The following SYNE2 variants were observed in gnomAD, a reference collection of about 807,000 sequenced individuals.
SYNE2 encodes the protein nesprin-2.
SYNE2 carries 431 observed loss-of-function variants against 856.3 expected under a neutral mutation model. The ratio of observed to expected loss-of-function variants is 0.50; its 90% confidence interval spans 0.47 to 0.55. The LOEUF (loss-of-function observed/expected upper bound fraction) is 0.55, where lower values mean the gene tolerates loss of function less well. Ranked by LOEUF, SYNE2 falls within the 20% of genes least tolerant of loss-of-function variation. The pLI is 0.00. For synonymous variants in SYNE2, 2,923 were observed against 2,872.3 expected (o/e 1.02, Z -0.56); for missense variants, 8,129 against 8,023.2 (o/e 1.01, Z -0.50).
At chr14:64,111,175 G>T (rs556321191) in intron 65 of SYNE2, among the ~76,000 whole-genome samples, 3 of 151,298 alleles carry the variant, frequency 2.0e-5, no homozygotes, top group South Asian at 4.2e-4. Flanking sequence ...AGACCCACTT[G>T]GGCAACATGG....
At chr14:63,956,004 G>C (rs2096237531) in intron 8 of SYNE2, among the ~76,000 whole-genome samples, 1 of 152,190 alleles carries the variant, frequency 6.6e-6, no homozygotes, top group African/African-American at 2.4e-5. Flanking sequence ...AATACTAGAA[G>C]AATATTTTCT....
chr14:64,042,969 C>T (rs1206230710), intron 45 of SYNE2, among the ~76,000 whole-genome samples: 1 of 152,130 alleles, frequency 6.6e-6, no homozygotes, highest in Non-Finnish European at 1.5e-5. Context: ...TTTGGAACTT[C>T]CTAGAGACTT....
chr14:63,986,380 G>A, intron 18 of SYNE2, 76 bp from the exon 19 acceptor site: 3 of 1,521,046 alleles, frequency 2.0e-6, no homozygotes, highest in South Asian at 1.2e-5. Context: ...GATTACAGGT[G>A]TAACTTTTTG....
In SYNE2 at chr14:64,024,371, G is replaced by C. The variant is rs199898588; in HGVS notation, c.5752G>C (p.Val1918Leu). The C allele has an allele frequency of 3.2e-5, 51 of 1,614,068 alleles. No individual in the cohort carries two copies. Among genetic ancestry groups the C allele is most frequent in the Non-Finnish European group, 4.2e-5 (50 of 1,180,016 alleles). Residue 1918 changes from valine (V) to leucine (L), a missense_variant, in exon 39 of 116, where the codon GTG becomes CTG. Around this residue, in one of 3 missense-constraint regions of SYNE2, gnomAD observed 2,422 missense variants for 2,357.4 expected, o/e 1.03. Transcript: ENST00000555002. ...AHVKELISWL[V>L]GQEFELEKME... ...TGTGAAGGAGCTTATCAGTTGGCTC[G>C]TGGGTCAGGAATTCGAATTAGAAAA...
At position 64,084,679 on chromosome 14, in the gene SYNE2, C is replaced by T. The variant is rs2097547022; in HGVS notation, c.11485-2992C>T. On this transcript the variant is annotated intron_variant, in intron 57 of 115. Coordinates refer to ENST00000555002, the MANE Select transcript of SYNE2 (RefSeq NM_182914.3). Reference sequence around the variant, plus strand: ...CAGTTAATAGATATTTGGGTTGCTTCCAGTTTTGAGCTATATATTAGCTAT... The same window carrying T: ...CAGTTAATAGATATTTGGGTTGCTTTCAGTTTTGAGCTATATATTAGCTAT... 3 of 344,238 alleles carry T rather than the reference C, an allele frequency of 8.7e-6. No individual in the cohort carries two copies. In the East Asian group the frequency reaches 1.4e-4, roughly 16 times the overall value. The allele number at this position is 344,238 out of a possible 1,614,324, so 21.3% of individuals were successfully genotyped here. A position where few individuals can be genotyped will look rare whatever the true frequency, so the allele number is the denominator to read the frequency against.
At position 63,929,995 on chromosome 14, in the gene SYNE2, T is replaced by C. The variant is rs568545934; in HGVS notation, c.80-10619T>C. 6.7e-4 allele frequency among the ~76,000 whole-genome samples: 102 copies of C among 152,146 alleles called. 1 individual carries two copies. The South Asian group carries it at 0.017, about 26-fold the overall frequency. On this transcript the variant is annotated intron_variant, in intron 2 of 115. Coordinates refer to ENST00000555002, the MANE Select transcript of SYNE2 (RefSeq NM_182914.3). The stretch of plus-strand genomic sequence containing the variant: ...TTATGGTTTGGATTTTAAAATACAA[T>C]GAGATGGGGTCAGACATGGTGGCTC...
At chr14:63,835,809 C>T (rs1287905531) in intron 1 of SYNE2, among the ~76,000 whole-genome samples, 1 of 151,912 alleles carries the variant, frequency 6.6e-6, no homozygotes, top group Non-Finnish European at 1.5e-5. Context: ...CATGGAGAAA[C>T]CCCGTCTCTA....
At position 63,980,748 on chromosome 14, in the gene SYNE2, T is replaced by C. The variant is rs1460462890; in HGVS notation, c.1648+16T>C. 6.7e-7 allele frequency: 1 copy of C among 1,496,010 alleles called. No homozygotes were observed. The highest frequency in any genetic ancestry group is 9.3e-7 in the Non-Finnish European group (1 of 1,073,712). 92.7% of individuals were successfully genotyped at this position (1,496,010 alleles called of 1,614,324 possible). A position where few individuals can be genotyped will look rare whatever the true frequency, so the allele number is the denominator to read the frequency against. On this transcript the variant is annotated intron_variant, in intron 15 of 115. Coordinates refer to ENST00000555002, the MANE Select transcript of SYNE2 (RefSeq NM_182914.3). ...AAGAATTTGGGTAAAGTGGTTCAGT[T>C]ACTTTCTGATGGAATGACTGTCACT...
At chr14:64,024,004 A>C in intron 38 of SYNE2, 1 of 436,540 alleles carries the variant, frequency 2.3e-6, no homozygotes, top group South Asian at 2.1e-5. Flanking sequence ...AGGAAAATGT[A>C]GCTGTCCTGG....
intron 66 of SYNE2, among the ~76,000 whole-genome samples, chr14:64,117,749 AG>A (rs1342089661): frequency 1.3e-5 from 2 of 152,160 alleles, no homozygotes; most frequent in African/African-American, 2.4e-5. Flanking sequence ...GTGCATAAAA[AG>A]TTTCAGGTTT....
chr14:64,220,695 G>A, intron 111 of SYNE2, 58 bp downstream of exon 111: 2 of 1,584,228 alleles, frequency 1.3e-6, no homozygotes, highest in Non-Finnish European at 8.6e-7. Context: ...CGTGGTAGGA[G>A]CAGCAGATAT....
chr14:64,013,323 AT>A (rs57074861), intron 32 of SYNE2, among the ~76,000 whole-genome samples: 95,688 of 136,294 alleles, frequency 0.7, 34,923 homozygotes, highest in Non-Finnish European at 0.84. Context: ...TCCTCATTAA[AT>A]TTTTTTTTTT....
At chr14:63,821,643 C>T (rs905157447) in intron 1 of SYNE2, among the ~76,000 whole-genome samples, 2 of 151,314 alleles carry the variant, frequency 1.3e-5, no homozygotes, top group Admixed American at 6.6e-5. Context: ...AGTCCAGCTA[C>T]TTGGGAGGCT....
rs747348017 is a variant in SYNE2, at chr14:64,141,344, T to C, written c.14980T>C (p.Phe4994Leu). The change falls in exon 81 of 116, where the codon TTT becomes CTT. Residue 4994 changes from phenylalanine to leucine, a missense_variant. Around this residue, in one of 3 missense-constraint regions of SYNE2, gnomAD observed 5,410 missense variants for 5,284.8 expected, o/e 1.02. Transcript: ENST00000555002. ...IRSNINNFFE[F>L]SKEVDEKSSL... ...AAATTTTAAAACTCTCCTTTAGGAG[T>C]TTTCAAAAGAAGTTGATGAAAAATC... 105 of 1,612,310 alleles carry C rather than the reference T, an allele frequency of 6.5e-5. No homozygotes were observed. Among genetic ancestry groups the C allele is most frequent in the Non-Finnish European group, 8.2e-5 (97 of 1,179,428 alleles).
Position 64,216,349 on chromosome 14 carries a change from G to C in SYNE2, c.19504G>C (p.Val6502Leu), listed in dbSNP as rs367778189. The C allele has an allele frequency of 1.2e-6, 2 of 1,614,204 alleles. No homozygotes were observed. Among genetic ancestry groups the C allele is most frequent in the South Asian group, 2.2e-5 (2 of 91,088 alleles). ...GGAAGGTGACAGGAATGTTCCACCT[G>C]TTCCCCCTGCGTCCAGCACCCCTTA... ...QMEGDRNVPP[V>L]PPASSTPYKP... The change falls in exon 108 of 116, where the codon GTT becomes CTT. Residue 6502 changes from valine (V) to leucine (L), a missense_variant. Val to Leu is a conservative substitution (Grantham distance 32). This residue lies in a region of SYNE2 where 5,410 missense variants were observed against 5,284.8 expected (regional missense o/e 1.02). Coordinates refer to ENST00000555002, the MANE Select transcript of SYNE2 (RefSeq NM_182914.3).
chr14:63,858,969 C>T (rs1418815130), intron 1 of SYNE2, among the ~76,000 whole-genome samples: 4 of 152,096 alleles, frequency 2.6e-5, no homozygotes, highest in African/African-American at 9.7e-5. Context: ...TTTGGTTTAA[C>T]ATTTAGGTTC....
intron 2 of SYNE2, among the ~76,000 whole-genome samples, chr14:63,920,508 A>G (rs920433518): frequency 3.3e-5 from 5 of 150,922 alleles, no homozygotes; most frequent in Admixed American, 6.7e-5. Flanking sequence ...GGGGTCATAT[A>G]AACATATAGG....
intron 96 of SYNE2, among the ~76,000 whole-genome samples, chr14:64,180,920 C>T (rs2098454904): frequency 6.6e-6 from 1 of 152,158 alleles, no homozygotes; most frequent in African/African-American, 2.4e-5. Flanking sequence ...TATTTCCTAA[C>T]TGATTATTGC....
intron 95 of SYNE2, 73 bp downstream of exon 95, chr14:64,175,211 A>G (rs2098428297): frequency 1.3e-6 from 2 of 1,564,650 alleles, no homozygotes; most frequent in Admixed American, 3.6e-5. Context: ...TGGTGTGAAA[A>G]TGGAAATGGT....
Sources: gnomAD v4.1 joint callset for allele counts (sites outside exome capture counted in the v4.1 genomes callset) on GRCh38, gnomAD v4.1.1 for gene constraint, gnomAD v4.1.1 regional missense constraint, MANE v1.5 for transcripts, NCBI Gene and HGNC (gene_info 2026-07-23, HGNC 2026-07-21) for gene names.